Variants in ETS1 observed in about 807,000 individuals in gnomAD.
ETS1 encodes ETS proto-oncogene 1, transcription factor, also known as protein C-ets-1.
ETS1 carries 15 observed loss-of-function variants against 58.6 expected under a neutral mutation model. That is an observed-to-expected ratio of 0.26 (90% CI 0.17 to 0.39). ETS1 has a LOEUF of 0.39. Ranked by LOEUF, ETS1 falls within the 10% of genes least tolerant of loss-of-function variation. ETS1 has a pLI of 1.00. For missense variants in ETS1, 417 were observed against 610.5 expected, an observed-to-expected ratio of 0.68 and a Z score of 3.34; for synonymous variants, 214 against 218.2, an observed-to-expected ratio of 0.98 and a Z score of 0.17.
chr11:128,484,829 T>G lies in ETS1; in HGVS notation c.856A>C (p.Ser286Arg), dbSNP rs757425068. ...TPDNMCMGRT[S>R]RGKLGGQDSF... The stretch of plus-strand genomic sequence containing the variant: ...GAGAAGAAATATGACCTACCACGAC[T>G]GGTCCTCCCCATGCACATGTTGTCT... Residue 286 changes from serine (S) to arginine (R), a missense_variant, in exon 7 of 10, where the codon AGT becomes CGT. Ser to Arg is a moderately radical substitution (Grantham distance 110). Around this residue, in one of 4 missense-constraint regions of ETS1, gnomAD observed 139 missense variants for 152.1 expected, o/e 0.91. Coordinates refer to ENST00000392668, the MANE Select transcript of ETS1 (RefSeq NM_001143820.2). The G allele has an allele frequency of 6.2e-7, 1 of 1,613,680 alleles. No individual in the cohort carries two copies. The highest frequency in any genetic ancestry group is 8.5e-7 in the Non-Finnish European group (1 of 1,179,602).
At chr11:128,542,841 A>G (rs866305953) in intron 3 of ETS1, among the ~76,000 whole-genome samples, 5 of 152,140 alleles carry the variant, frequency 3.3e-5, no homozygotes, top group Middle Eastern at 3.2e-3. Flanking sequence ...AAGTGATGAC[A>G]CCAAAATGCC....
At chr11:128,582,778 C>T (rs1864900188) in intron 1 of ETS1, among the ~76,000 whole-genome samples, 1 of 152,176 alleles carries the variant, frequency 6.6e-6, no homozygotes, top group Non-Finnish European at 1.5e-5. Flanking sequence ...GGAGAACTAA[C>T]TCATTGAAAG....
chr11:128,537,501 A>C (rs1017618565), intron 3 of ETS1, among the ~76,000 whole-genome samples: 28 of 152,088 alleles, frequency 1.8e-4, no homozygotes, highest in African/African-American at 6.5e-4. Flanking sequence ...CGCAGTTGGG[A>C]ATTAGGGGAA....
chr11:128,571,128 T>C (rs1864618284), intron 2 of ETS1, among the ~76,000 whole-genome samples: 2 of 151,988 alleles, frequency 1.3e-5, no homozygotes, highest in African/African-American at 4.8e-5. Context: ...TTTTTTTTAA[T>C]GCTAAAAAAA....
chr11:128,525,418 CA>C (rs1330286820), intron 3 of ETS1, among the ~76,000 whole-genome samples: 1 of 152,034 alleles, frequency 6.6e-6, no homozygotes, highest in African/African-American at 2.4e-5. Context: ...TCATGGAAGA[CA>C]GACTTTCCCT....
At chr11:128,585,026 A>G (rs1394466646) in intron 1 of ETS1, among the ~76,000 whole-genome samples, 4 of 14,706 alleles carry the variant, frequency 2.7e-4, no homozygotes, top group Non-Finnish European at 4.0e-4. Flanking sequence ...GAAAGAAGAA[A>G]GAAAGAAAAG....
intron 2 of ETS1, among the ~76,000 whole-genome samples, chr11:128,564,868 T>C (rs1251390517): frequency 1.3e-5 from 2 of 151,844 alleles, no homozygotes; most frequent in Admixed American, 6.6e-5. Context: ...GCCAGAAGAC[T>C]ATCCAGTAAT....
intron 3 of ETS1, 97 bp downstream of exon 3, chr11:128,556,194 A>G: frequency 9.3e-7 from 1 of 1,080,674 alleles, no homozygotes; most frequent in Non-Finnish European, 1.3e-6. Flanking sequence ...TACCCGCATA[A>G]GCCATGGCAG....
chr11:128,553,672 C>G (rs561158380), intron 3 of ETS1, among the ~76,000 whole-genome samples: 21 of 152,042 alleles, frequency 1.4e-4, no homozygotes, highest in African/African-American at 4.6e-4. Context: ...TTCTCTCTTC[C>G]CCTTCCCTCC....
At chr11:128,577,733 G>T (rs142546688) in intron 1 of ETS1, among the ~76,000 whole-genome samples, 1 of 152,116 alleles carries the variant, frequency 6.6e-6, no homozygotes, top group Non-Finnish European at 1.5e-5. Flanking sequence ...GTTACCCAGC[G>T]TCCAAATCAT....
At chr11:128,489,589 G>T in intron 4 of ETS1, 99 bp from the exon 5 acceptor site, 1 of 919,658 alleles carries the variant, frequency 1.1e-6, no homozygotes, top group Non-Finnish European at 1.8e-6. Context: ...AGCTGAGAAT[G>T]CTATCTTTAT....
intron 8 of ETS1, among the ~76,000 whole-genome samples, chr11:128,465,086 T>C (rs1287931611): frequency 6.6e-6 from 1 of 152,182 alleles, no homozygotes; most frequent in Non-Finnish European, 1.5e-5. Context: ...AAACAGCTAC[T>C]GACACGAGCT....
intron 1 of ETS1, among the ~76,000 whole-genome samples, chr11:128,577,915 C>CAAAA (rs543543374): frequency 2.2e-5 from 3 of 133,718 alleles, no homozygotes; most frequent in African/African-American, 2.8e-5. Context: ...GCCAAAAAGC[C>CAAAA]AAAAAAAAAA....
intron 3 of ETS1, among the ~76,000 whole-genome samples, chr11:128,527,658 T>C (rs948989584): frequency 6.6e-6 from 1 of 152,116 alleles, no homozygotes; most frequent in Non-Finnish European, 1.5e-5. Flanking sequence ...CAACATCCTT[T>C]AATAATATGA....
At chr11:128,562,373 C>T (rs1460931354) in intron 2 of ETS1, among the ~76,000 whole-genome samples, 1 of 152,168 alleles carries the variant, frequency 6.6e-6, no homozygotes. Context: ...CGTGCCATTG[C>T]ACTCCAGCCT....
intron 3 of ETS1, among the ~76,000 whole-genome samples, chr11:128,546,942 C>T (rs1395294063): frequency 6.6e-6 from 1 of 152,192 alleles, no homozygotes; most frequent in African/African-American, 2.4e-5. Context: ...CTCCAGCTCA[C>T]TTTAGGGAGG....
At chr11:128,483,536 G>C (rs952021894) in intron 7 of ETS1, among the ~76,000 whole-genome samples, 1 of 152,184 alleles carries the variant, frequency 6.6e-6, no homozygotes, top group Non-Finnish European at 1.5e-5. Flanking sequence ...AAATAAAAAA[G>C]AGCCAGAAAG....
chr11:128,585,056 GAAA>G lies in ETS1; in HGVS notation c.-15+2429_-15+2431del, dbSNP rs1565421265. Among the ~76,000 whole-genome samples the G allele has an allele frequency of 7.0e-4, 14 of 20,046 alleles. 3 individuals are homozygous for G. The highest frequency in any genetic ancestry group is 2.2e-3 in the Admixed American group (4 of 1,848). 13.2% of individuals were successfully genotyped at this position (20,046 alleles called of 152,430 possible). ...GAAAAGAAAGAAAGAAAGAAAGAAAGAAAGAAAGAAAGAAAGAAAGAGAAAGAA... is the reference window on the plus strand; with the variant it reads ...GAAAAGAAAGAAAGAAAGAAAGAAAGGAAAGAAAGAAAGAAAGAGAAAGAA... On this transcript the variant is annotated intron_variant, in intron 1 of 9. Coordinates refer to ENST00000392668, the MANE Select transcript of ETS1 (RefSeq NM_001143820.2).
intron 3 of ETS1, among the ~76,000 whole-genome samples, chr11:128,539,496 T>C (rs1565402225): frequency 6.6e-6 from 1 of 152,160 alleles, no homozygotes; most frequent in Admixed American, 6.5e-5. Flanking sequence ...GACAATGAAA[T>C]ACTACTGCTC....
Sources: gnomAD v4.1 joint callset for allele counts (sites outside exome capture counted in the v4.1 genomes callset) on GRCh38, gnomAD v4.1.1 for gene constraint, gnomAD v4.1.1 regional missense constraint, MANE v1.5 for transcripts, NCBI Gene and HGNC (gene_info 2026-07-23, HGNC 2026-07-21) for gene names.